MAD1L1: variants seen among roughly 807,000 people sequenced by gnomAD.
The protein encoded by MAD1L1 is mitotic spindle assembly checkpoint protein MAD1.
In MAD1L1, 95 loss-of-function variants were observed where a neutral mutation model predicts 96.9. The ratio of observed to expected loss-of-function variants is 0.98; its 90% CI spans 0.83 to 1.16. The LOEUF is 1.16. Among genes scored for constraint, MAD1L1 ranks in the 50% most tolerant of loss-of-function variants. The pLI is 0.00. For synonymous variants in MAD1L1, 473 were observed against 396.6 expected, an observed-to-expected ratio of 1.19 and a Z score of -2.29; for missense variants, 1,007 against 954.4, an observed-to-expected ratio of 1.06 and a Z score of -0.73.
intron 10 of MAD1L1, among the ~76,000 whole-genome samples, chr7:2,175,611 C>A (rs1790913703): frequency 6.6e-6 from 1 of 151,954 alleles, no homozygotes; most frequent in African/African-American, 2.4e-5. Context: ...CCAAACTGGT[C>A]CTAGAAAAAC....
At chr7:1,926,573 TC>T (rs1243326958) in intron 17 of MAD1L1, among the ~76,000 whole-genome samples, 3 of 151,932 alleles carry the variant, frequency 2.0e-5, no homozygotes, top group African/African-American at 7.3e-5. Context: ...GTTGGAAACT[TC>T]CCAAAAAAAT....
intron 11 of MAD1L1, among the ~76,000 whole-genome samples, chr7:2,105,247 C>CTA (rs1787027715): frequency 6.6e-6 from 1 of 152,150 alleles, no homozygotes; most frequent in Admixed American, 6.5e-5. Context: ...ACAAAGGGCA[C>CTA]TAACACACGA....
intron 10 of MAD1L1, among the ~76,000 whole-genome samples, chr7:2,170,268 C>A (rs1376715461): frequency 2.0e-5 from 3 of 152,206 alleles, no homozygotes; most frequent in African/African-American, 7.2e-5. Flanking sequence ...GCACATAAAG[C>A]CATCCTGGAT....
intron 17 of MAD1L1, among the ~76,000 whole-genome samples, chr7:1,915,932 A>G (rs1788360240): frequency 6.6e-6 from 1 of 152,232 alleles, no homozygotes; most frequent in Non-Finnish European, 1.5e-5. Flanking sequence ...TCGAGATTTA[A>G]AACTGCTTAT....
intron 12 of MAD1L1, among the ~76,000 whole-genome samples, chr7:2,035,114 A>G (rs1252988145): frequency 6.6e-6 from 1 of 152,266 alleles, no homozygotes; most frequent in Non-Finnish European, 1.5e-5. Flanking sequence ...GAAATGCCAG[A>G]CACGATGTGG....
At chr7:1,890,757 AGGG>A (rs1372523170) in intron 18 of MAD1L1, among the ~76,000 whole-genome samples, 2 of 152,284 alleles carry the variant, frequency 1.3e-5, no homozygotes, top group Non-Finnish European at 2.9e-5. Context: ...GCACCTGAGA[AGGG>A]GTGCTCACGG....
At chr7:1,837,000 C>T (rs1583506063) in intron 18 of MAD1L1, among the ~76,000 whole-genome samples, 1 of 152,088 alleles carries the variant, frequency 6.6e-6, no homozygotes, top group East Asian at 1.9e-4. Context: ...GTCTGCTCTT[C>T]AAAAGACATT....
At chr7:2,095,719 C>G (rs1041249388) in intron 11 of MAD1L1, among the ~76,000 whole-genome samples, 1 of 152,216 alleles carries the variant, frequency 6.6e-6, no homozygotes, top group Admixed American at 6.5e-5. Context: ...GACACACAGG[C>G]GCACAAGGCT....
chr7:1,876,613 A>G (rs999878553), intron 18 of MAD1L1, among the ~76,000 whole-genome samples: 6 of 152,000 alleles, frequency 3.9e-5, no homozygotes, highest in South Asian at 2.1e-4. Flanking sequence ...GCTGTTTTCC[A>G]TATTTTTATA....
chr7:2,085,339 C>A (rs1280830354), intron 11 of MAD1L1, among the ~76,000 whole-genome samples: 1 of 152,208 alleles, frequency 6.6e-6, no homozygotes, highest in African/African-American at 2.4e-5. Flanking sequence ...CCCACCTCAC[C>A]GTGTGGTCTG....
intron 12 of MAD1L1, among the ~76,000 whole-genome samples, chr7:2,047,814 T>A (rs1024109049): frequency 6.6e-6 from 1 of 151,898 alleles, no homozygotes; most frequent in African/African-American, 2.4e-5. Context: ...TGCACTCACA[T>A]ATGCAGAGAG....
chr7:2,137,567 G>A (rs897338036), intron 11 of MAD1L1, among the ~76,000 whole-genome samples: 4 of 152,174 alleles, frequency 2.6e-5, no homozygotes, highest in Non-Finnish European at 5.9e-5. Flanking sequence ...TGAGTGAGGG[G>A]CCCAGGCTGT....
chr7:1,914,130 C>G (rs13224989), intron 17 of MAD1L1, among the ~76,000 whole-genome samples: 48,289 of 152,150 alleles, frequency 0.32, 8,587 homozygotes, highest in East Asian at 0.46. Flanking sequence ...CTGCCACACG[C>G]CCTCACTGGC....
chr7:1,979,798 G>A (rs1245312208), intron 15 of MAD1L1, among the ~76,000 whole-genome samples: 3 of 152,152 alleles, frequency 2.0e-5, no homozygotes, highest in African/African-American at 2.4e-5. Flanking sequence ...CCACACTCCC[G>A]TGCAGCCATC....
intron 12 of MAD1L1, among the ~76,000 whole-genome samples, chr7:2,061,739 C>A (rs1784670076): frequency 6.6e-6 from 1 of 152,236 alleles, no homozygotes; most frequent in Non-Finnish European, 1.5e-5. Flanking sequence ...AGTCAACACC[C>A]CCATGCTGGA....
intron 11 of MAD1L1, among the ~76,000 whole-genome samples, chr7:2,139,770 C>T (rs1332690506): frequency 6.6e-6 from 1 of 152,180 alleles, no homozygotes; most frequent in African/African-American, 2.4e-5. Flanking sequence ...CGTGGAGAGG[C>T]CAGCTGCAGC....
At chr7:2,099,531 G>C (rs1786669367) in intron 11 of MAD1L1, among the ~76,000 whole-genome samples, 2 of 152,194 alleles carry the variant, frequency 1.3e-5, no homozygotes, top group Non-Finnish European at 2.9e-5. Context: ...TTGCAAAAGA[G>C]ACAGCTAGCA....
intron 9 of MAD1L1, among the ~76,000 whole-genome samples, chr7:2,213,678 C>G (rs1793105819): frequency 6.6e-6 from 1 of 152,174 alleles, no homozygotes; most frequent in African/African-American, 2.4e-5. Context: ...GAACCAAGCC[C>G]TGGAGCAGAC....
intron 18 of MAD1L1, among the ~76,000 whole-genome samples, chr7:1,874,729 C>T (rs1034219545): frequency 4.6e-5 from 7 of 151,966 alleles, no homozygotes; most frequent in Non-Finnish European, 8.8e-5. Flanking sequence ...GACCCACAGG[C>T]CCTCCCGCCT....
Sources: allele counts gnomAD v4.1 joint callset (sites outside exome capture counted in the v4.1 genomes callset), GRCh38; gene constraint gnomAD v4.1.1; transcripts MANE v1.5; gene names NCBI Gene and HGNC (gene_info 2026-07-23, HGNC 2026-07-21).